NFIX: variants seen among roughly 807,000 people sequenced by gnomAD.
The protein encoded by NFIX is nuclear factor 1 X-type.
Under a neutral mutation model 53.3 loss-of-function variants are expected in NFIX, and 2 were observed. The observed-to-expected ratio is 0.04, with a 90% CI of 0.02 to 0.12. NFIX has a LOEUF of 0.12. NFIX is among the 10% of genes least tolerant of loss of function. The pLI, the probability that NFIX is intolerant of heterozygous loss-of-function variation, is 1.00. For missense variants in NFIX, 310 were observed against 674.5 expected (o/e 0.46, Z 5.99); for synonymous variants, 244 against 289.0 (o/e 0.84, Z 1.58).
intron 8 of NFIX, among the ~76,000 whole-genome samples, chr19:13,087,051 A>G (rs778481059): frequency 1.1e-4 from 16 of 152,220 alleles, no homozygotes; most frequent in Non-Finnish European, 1.5e-4. Flanking sequence ...CCCACGCTGC[A>G]GTGGTCATCA....
At chr19:13,065,385 G>A (rs1049867542) in intron 2 of NFIX, among the ~76,000 whole-genome samples, 4 of 152,166 alleles carry the variant, frequency 2.6e-5, no homozygotes, top group Non-Finnish European at 5.9e-5. Context: ...CCTACCCCAG[G>A]TATCTCTGAA....
intron 2 of NFIX, among the ~76,000 whole-genome samples, chr19:13,065,382 C>T (rs2016337865): frequency 6.6e-6 from 1 of 152,204 alleles, no homozygotes; most frequent in Non-Finnish European, 1.5e-5. Context: ...ATTCCTACCC[C>T]AGGTATCTCT....
chr19:13,050,194 A>G (rs1599786871), intron 2 of NFIX, among the ~76,000 whole-genome samples: 1 of 152,142 alleles, frequency 6.6e-6, no homozygotes, highest in African/African-American at 2.4e-5. Context: ...TGACCCTTCC[A>G]TCACTGCATT....
intron 2 of NFIX, among the ~76,000 whole-genome samples, chr19:13,059,776 T>TG (rs2015945832): frequency 8.0e-6 from 1 of 125,110 alleles, no homozygotes. Context: ...TAATTAGAAT[T>TG]CTTTTTTTTT....
intron 2 of NFIX, among the ~76,000 whole-genome samples, chr19:13,063,423 C>G (rs2016211910): frequency 6.6e-6 from 1 of 152,128 alleles, no homozygotes; most frequent in Non-Finnish European, 1.5e-5. Context: ...TGCATGCAGC[C>G]CAGCAGTTGT....
rs937893921 is a variant in NFIX, at chr19:13,021,248, A to G, written c.28-3773A>G. Among the ~76,000 whole-genome samples, 1 of 152,056 alleles carries G rather than the reference A, an allele frequency of 6.6e-6. No individual in the cohort carries two copies. The highest frequency in any genetic ancestry group is 6.5e-5 in the Admixed American group (1 of 15,272). On this transcript the variant is annotated intron_variant, in intron 1 of 10. Coordinates refer to ENST00000592199, the MANE Select transcript of NFIX (RefSeq NM_001365902.3). This position sits in a 1 kb window ranked among gnomAD's most constrained non-coding sequence, Gnocchi z 4.2. ...GATGTGAATTATTGGACACCACCCT[A>G]AGAGGCCTGTCTCTGATACCACCTG...
rs1021361572 is a variant in NFIX, at chr19:13,066,835, C to T, written c.560-6212C>T. On this transcript the variant is annotated intron_variant, in intron 2 of 10. Coordinates refer to ENST00000592199, the MANE Select transcript of NFIX (RefSeq NM_001365902.3). The surrounding 1 kb of genome is among the most constrained non-coding windows in gnomAD (Gnocchi z 4.2). ...AAGGAGAGGAAGATCCTAGAAGCCC[C>T]GTGGGCCCAGACCCTGGCCAAGCCT... Among the ~76,000 whole-genome samples the T allele has an allele frequency of 6.6e-6, 1 of 152,058 alleles. No homozygotes were observed. Among genetic ancestry groups the T allele is most frequent in the Non-Finnish European group, 1.5e-5 (1 of 67,988 alleles).
chr19:13,039,638 A>G (rs2014474308), intron 2 of NFIX, among the ~76,000 whole-genome samples: 1 of 152,162 alleles, frequency 6.6e-6, no homozygotes, highest in South Asian at 2.1e-4. Flanking sequence ...AGAGGGGAGC[A>G]ATCTGCTGGG....
Position 12,996,599 on chromosome 19 carries a change from C to G in NFIX, c.27+735C>G, listed in dbSNP as rs1000945427. Among the ~76,000 whole-genome samples the G allele has an allele frequency of 2.0e-5, 3 of 152,202 alleles. No individual in the cohort carries two copies. Among genetic ancestry groups the G allele is most frequent in the African/African-American group, 4.8e-5 (2 of 41,456 alleles). ...CCGGACGTCGCAGCCTCTGCCCCCC[C>G]ACCCCCAAACTTTCCTCGGCGCAAA... On this transcript the variant is annotated intron_variant, in intron 1 of 10. Transcript: ENST00000592199. The surrounding 1 kb of genome is among the most constrained non-coding windows in gnomAD (Gnocchi z 5.2).
In NFIX at chr19:13,002,658, C is replaced by A. The variant is rs2145134263; in HGVS notation, c.27+6794C>A. Among the ~76,000 whole-genome samples, 2 of 152,326 alleles carry A rather than the reference C, an allele frequency of 1.3e-5. No homozygotes were observed. Among genetic ancestry groups the A allele is most frequent in the South Asian group, 4.1e-4 (2 of 4,832 alleles). On this transcript the variant is annotated intron_variant, in intron 1 of 10. Transcript: ENST00000592199. The surrounding 1 kb of genome is among the most constrained non-coding windows in gnomAD (Gnocchi z 6.1). Reference sequence around the variant, plus strand: ...CTGTGAGGCGCAGCTGTGCCCAGAACTCCAAGTTGCGTTTGCCACCACTAC... The same window carrying A: ...CTGTGAGGCGCAGCTGTGCCCAGAAATCCAAGTTGCGTTTGCCACCACTAC...
Position 13,068,060 on chromosome 19 carries a change from G to A in NFIX, c.560-4987G>A, listed in dbSNP as rs376766003. On this transcript the variant is annotated intron_variant, in intron 2 of 10. Coordinates refer to ENST00000592199, the MANE Select transcript of NFIX (RefSeq NM_001365902.3). This position sits in a 1 kb window ranked among gnomAD's most constrained non-coding sequence, Gnocchi z 4.2. ...GTGGGGCTTGCAGTGAGCCGAGATC[G>A]CACCACTGCACTCCAGCCTGGGTGA... Among the ~76,000 whole-genome samples the A allele has an allele frequency of 1.3e-3, 191 of 151,724 alleles. No individual in the cohort carries two copies. The highest frequency in any genetic ancestry group is 2.4e-3 in the Non-Finnish European group (161 of 67,912).
chr19:13,056,272 GC>G (rs2145344709), intron 2 of NFIX, among the ~76,000 whole-genome samples: 1 of 152,270 alleles, frequency 6.6e-6, no homozygotes, highest in Admixed American at 6.5e-5. Flanking sequence ...AGTCTCTTCT[GC>G]CTCACGGGGA....
rs534914637 is a variant in NFIX, at chr19:13,014,842, G to A, written c.28-10179G>A. On this transcript the variant is annotated intron_variant, in intron 1 of 10. Coordinates refer to ENST00000592199, the MANE Select transcript of NFIX (RefSeq NM_001365902.3). The surrounding 1 kb of genome is among the most constrained non-coding windows in gnomAD (Gnocchi z 4.4). ...GTTGGGGAAAGGACTTTTTATCAGG[G>A]CTGCAGAGGTTCGGCTCTGGGCTGG... Among the ~76,000 whole-genome samples, 1 of 152,324 alleles carries A rather than the reference G, an allele frequency of 6.6e-6. No individual in the cohort carries two copies. Among genetic ancestry groups the A allele is most frequent in the East Asian group, 1.9e-4 (1 of 5,172 alleles).
chr19:13,024,760 A>C lies in NFIX; in HGVS notation c.28-261A>C, dbSNP rs763525285. 2.0e-6 allele frequency: 3 copies of C among 1,521,938 alleles called. No homozygotes were observed. In the South Asian group the frequency reaches 3.6e-5, roughly 18 times the overall value. The allele number at this position is 1,521,938 out of a possible 1,614,324, so 94.3% of individuals were successfully genotyped here. ...AGAGAGAGAGAGAATAGGTGTGTGTAGAGGCTCCCGGTGCCTCTGTCTGGC... is the reference window on the plus strand; with the variant it reads ...AGAGAGAGAGAGAATAGGTGTGTGTCGAGGCTCCCGGTGCCTCTGTCTGGC... On this transcript the variant is annotated intron_variant, in intron 1 of 10. Transcript: ENST00000592199.
rs972411732 is a variant in NFIX, at chr19:13,011,890, C to T, written c.28-13131C>T. Among the ~76,000 whole-genome samples, 4 of 152,088 alleles carry T rather than the reference C, an allele frequency of 2.6e-5. No homozygotes were observed. Among genetic ancestry groups the T allele is most frequent in the African/African-American group, 9.7e-5 (4 of 41,394 alleles). On this transcript the variant is annotated intron_variant, in intron 1 of 10. Coordinates refer to ENST00000592199, the MANE Select transcript of NFIX (RefSeq NM_001365902.3). The surrounding 1 kb of genome is among the most constrained non-coding windows in gnomAD (Gnocchi z 6.5). ...CTGACTCAAGACTGGGGGGAGGGGG[C>T]TCATGGAGGTAGAGGTGGTGGGGAG...
chr19:13,058,768 A>G (rs2015874258), intron 2 of NFIX, among the ~76,000 whole-genome samples: 1 of 152,100 alleles, frequency 6.6e-6, no homozygotes, highest in South Asian at 2.1e-4. Flanking sequence ...ACAGGAGCAC[A>G]TGAAACGTAC....
intron 2 of NFIX, among the ~76,000 whole-genome samples, chr19:13,033,007 G>A (rs1460752620): frequency 6.6e-6 from 1 of 152,134 alleles, no homozygotes; most frequent in East Asian, 1.9e-4. Flanking sequence ...TCAGCAACAG[G>A]GAAGTGTGCC....
chr19:13,087,667 C>T (rs1055547432), intron 8 of NFIX, among the ~76,000 whole-genome samples: 3 of 149,876 alleles, frequency 2.0e-5, no homozygotes, highest in Non-Finnish European at 2.9e-5. Flanking sequence ...TACAGCTGCA[C>T]GTATTTGCTA....
At chr19:13,061,640 T>G (rs1255705148) in intron 2 of NFIX, among the ~76,000 whole-genome samples, 1 of 151,988 alleles carries the variant, frequency 6.6e-6, no homozygotes, top group Non-Finnish European at 1.5e-5. Context: ...CTCGGCAGCC[T>G]GGGGAAAACC....
Sources: gnomAD v4.1 joint callset for allele counts (sites outside exome capture counted in the v4.1 genomes callset) on GRCh38, gnomAD v4.1.1 for gene constraint, Gnocchi (gnomAD v3.1) non-coding constraint, MANE v1.5 for transcripts, NCBI Gene and HGNC (gene_info 2026-07-23, HGNC 2026-07-21) for gene names.